Variants in BCL9 observed in about 807,000 individuals in gnomAD.
BCL9 encodes BCL9 transcription coactivator, also known as B-cell CLL/lymphoma 9 protein.
BCL9 carries 25 observed loss-of-function variants against 88.5 expected under a neutral mutation model. The observed-to-expected ratio is 0.28, with a 90% CI of 0.21 to 0.39. The LOEUF (loss-of-function observed/expected upper bound fraction) is 0.39. Ranked by LOEUF, BCL9 falls within the 10% of genes least tolerant of loss-of-function variation. BCL9 has a pLI of 1.00. For missense variants in BCL9, 1,817 were observed against 1,877.8 expected, an observed-to-expected ratio of 0.97 and a Z score of 0.60; for synonymous variants, 711 against 673.3, an observed-to-expected ratio of 1.06 and a Z score of -0.87.
chr1:147,596,674 G>A (rs1349290910), intron 1 of BCL9, among the ~76,000 whole-genome samples: 2 of 152,044 alleles, frequency 1.3e-5, no homozygotes, highest in African/African-American at 4.8e-5. Context: ...CGGCCTCCCA[G>A]AGTGCTGGGA....
intron 1 of BCL9, among the ~76,000 whole-genome samples, chr1:147,554,132 T>C (rs1245737889): frequency 2.6e-5 from 4 of 152,178 alleles, no homozygotes; most frequent in African/African-American, 9.7e-5. Flanking sequence ...ATGCAGAAAA[T>C]AATATAGTGT....
intron 1 of BCL9, among the ~76,000 whole-genome samples, chr1:147,602,319 C>G (rs1431277993): frequency 1.3e-5 from 2 of 151,594 alleles, no homozygotes; most frequent in African/African-American, 4.9e-5. Context: ...TCAAGTAATT[C>G]TCCTGCCTTA....
chr1:147,599,569 A>C (rs1657239661), intron 1 of BCL9, among the ~76,000 whole-genome samples: 1 of 149,042 alleles, frequency 6.7e-6, no homozygotes. Context: ...GGAGGAGGGG[A>C]CGGGAAGAGG....
intron 1 of BCL9, among the ~76,000 whole-genome samples, chr1:147,600,629 A>G (rs903547003): frequency 1.2e-4 from 19 of 152,014 alleles, no homozygotes; most frequent in Admixed American, 2.0e-4. Flanking sequence ...AGGTTAAACC[A>G]GGAGAGTGAG....
Position 147,584,436 on chromosome 1 carries a change from A to G in BCL9, c.-477-20341A>G, listed in dbSNP as rs370585234. 9.9e-5 allele frequency among the ~76,000 whole-genome samples: 15 copies of G among 152,144 alleles called. No individual in the cohort carries two copies. In the East Asian group the frequency reaches 1.2e-3, roughly 12 times the overall value. On this transcript the variant is annotated intron_variant, in intron 1 of 9. Transcript: ENST00000234739. ...CAGAACCTCTGGAATTATTTGTTTT[A>G]TAGTATGAGATGAGGATCTTAAATT...
chr1:147,594,490 G>T (rs1309048323), intron 1 of BCL9, among the ~76,000 whole-genome samples: 3 of 152,196 alleles, frequency 2.0e-5, no homozygotes, highest in African/African-American at 7.2e-5. Context: ...AGATAGAAAT[G>T]CAGGATTAAG....
chr1:147,619,048 T>A lies in BCL9; in HGVS notation c.893T>A (p.Leu298Gln). 6.2e-7 allele frequency: 1 copy of A among 1,610,858 alleles called. No individual in the cohort carries two copies. The highest frequency in any genetic ancestry group is 2.2e-5 in the East Asian group (1 of 44,854). ...GGAAGTCCTGCCAGCTCCACTCCAC[T>A]GCCCCCAGATGGTACTGGGCCCAAC... is the stretch of plus-strand genomic sequence containing the variant. Reference protein sequence around the residue: ...SVGSPASSTPLPPDGTGPNST... With the variant: ...SVGSPASSTPQPPDGTGPNST... Residue 298 changes from leucine to glutamine, a missense_variant, in exon 8 of 10, where the codon CTG becomes CAG. Transcript: ENST00000234739. The surrounding 1 kb of genome is among the most constrained non-coding windows in gnomAD (Gnocchi z 4.1).
chr1:147,610,824 A>G (rs1169060692), intron 3 of BCL9, among the ~76,000 whole-genome samples: 1 of 152,202 alleles, frequency 6.6e-6, no homozygotes, highest in Non-Finnish European at 1.5e-5. Context: ...TATGCTTCAA[A>G]TTAGCCTTGC....
chr1:147,545,197 C>T (rs953902125), intron 1 of BCL9, among the ~76,000 whole-genome samples: 5 of 152,272 alleles, frequency 3.3e-5, no homozygotes, highest in Non-Finnish European at 7.4e-5. Context: ...TGTGCCCAGC[C>T]CACATTGTAG....
At chr1:147,550,921 T>C (rs894145311) in intron 1 of BCL9, among the ~76,000 whole-genome samples, 1 of 152,332 alleles carries the variant, frequency 6.6e-6, no homozygotes, top group Non-Finnish European at 1.5e-5. Context: ...CATTACCTGA[T>C]ATGTAAAAGG....
chr1:147,593,537 T>C (rs1553200159), intron 1 of BCL9, among the ~76,000 whole-genome samples: 3 of 152,208 alleles, frequency 2.0e-5, no homozygotes, highest in Non-Finnish European at 4.4e-5. Context: ...TATAAGTGAT[T>C]ATAAGTGTTT....
At chr1:147,612,819 C>G in intron 4 of BCL9, 64 bp from the exon 5 acceptor site, 3 of 1,527,102 alleles carry the variant, frequency 2.0e-6, no homozygotes, top group Non-Finnish European at 2.7e-6. Flanking sequence ...AACTGCCTCT[C>G]TCTAATTTGT....
rs77286108 is a variant in BCL9 at position 147,553,714 on chromosome 1, T to G, written c.-478+12040T>G. On this transcript the variant is annotated intron_variant, in intron 1 of 9. Transcript: ENST00000234739. ...GCTGCCTTAAAAATAAAAAGCATCTTAACTGATTTTGGGATGAAAGACACC... is the reference window on the plus strand; with the variant it reads ...GCTGCCTTAAAAATAAAAAGCATCTGAACTGATTTTGGGATGAAAGACACC... Among the ~76,000 whole-genome samples the G allele has an allele frequency of 2.0e-4, 31 of 152,326 alleles. No individual in the cohort carries two copies. In the East Asian group the frequency reaches 5.4e-3, roughly 27 times the overall value.
intron 1 of BCL9, among the ~76,000 whole-genome samples, chr1:147,551,758 G>A (rs919350807): frequency 4.6e-5 from 7 of 152,180 alleles, no homozygotes; most frequent in Non-Finnish European, 7.3e-5. Context: ...CTCACAAGAT[G>A]TGGCCCCTTA....
chr1:147,547,266 T>C lies in BCL9; in HGVS notation c.-478+5592T>C, dbSNP rs143424824. ...GTAATAAGCTGCTTCTGAAATGTGATTGAGGGTGAGACAGAGGGTAGAGAA... is the reference window on the plus strand; with the variant it reads ...GTAATAAGCTGCTTCTGAAATGTGACTGAGGGTGAGACAGAGGGTAGAGAA... On this transcript the variant is annotated intron_variant, in intron 1 of 9. Coordinates refer to ENST00000234739, the MANE Select transcript of BCL9 (RefSeq NM_004326.4). Among the ~76,000 whole-genome samples, 409 of 152,276 alleles carry C rather than the reference T, an allele frequency of 2.7e-3. 19 individuals are homozygous for C. In the East Asian group the frequency reaches 0.068, roughly 25 times the overall value.
intron 1 of BCL9, among the ~76,000 whole-genome samples, chr1:147,603,887 C>T (rs1007626909): frequency 9.9e-5 from 15 of 151,970 alleles, no homozygotes; most frequent in African/African-American, 2.7e-4. Context: ...CTTCTGAGAA[C>T]GTTTTTTAAA....
At chr1:147,552,120 C>T (rs10494251) in intron 1 of BCL9, among the ~76,000 whole-genome samples, 9,259 of 151,854 alleles carry the variant, frequency 0.061, 423 homozygotes, top group East Asian at 0.25. Flanking sequence ...GTGGTAGTCA[C>T]GGGAGAGAAC....
intron 1 of BCL9, among the ~76,000 whole-genome samples, chr1:147,590,325 C>T (rs587712915): frequency 6.6e-5 from 10 of 152,292 alleles, no homozygotes; most frequent in South Asian, 2.1e-4. Flanking sequence ...TTATATGCTG[C>T]GGAAGTAAGC....
At chr1:147,618,510 C>G (rs1226199762) in intron 7 of BCL9, among the ~76,000 whole-genome samples, 1 of 152,166 alleles carries the variant, frequency 6.6e-6, no homozygotes, top group Non-Finnish European at 1.5e-5. Flanking sequence ...GATATCAAAC[C>G]TGTTCCTCAA....
Sources: gnomAD v4.1 joint callset for allele counts (sites outside exome capture counted in the v4.1 genomes callset) on GRCh38, gnomAD v4.1.1 for gene constraint, Gnocchi (gnomAD v3.1) non-coding constraint, MANE v1.5 for transcripts, NCBI Gene and HGNC (gene_info 2026-07-23, HGNC 2026-07-21) for gene names.